SPIRE1: variants seen among roughly 807,000 people sequenced by gnomAD.
SPIRE1 encodes protein spire homolog 1.
In SPIRE1, 40 loss-of-function variants were observed where a neutral mutation model predicts 94.1. That is an observed-to-expected ratio of 0.43 (90% CI 0.33 to 0.55). The LOEUF (loss-of-function observed/expected upper bound fraction) is 0.55. Ranked by LOEUF, SPIRE1 falls within the 20% of genes least tolerant of loss-of-function variation. SPIRE1 has a pLI of 0.06. For missense variants in SPIRE1, 838 were observed against 975.2 expected, an observed-to-expected ratio of 0.86 and a Z score of 1.87; for synonymous variants, 376 against 371.7, an observed-to-expected ratio of 1.01 and a Z score of -0.13.
intron 2 of SPIRE1, among the ~76,000 whole-genome samples, chr18:12,627,051 A>G (rs1234871025): frequency 6.6e-6 from 1 of 151,990 alleles, no homozygotes; most frequent in African/African-American, 2.4e-5. Flanking sequence ...AGAGGTGGAC[A>G]GAGAAACACT....
chr18:12,601,894 T>C (rs1252593137), intron 2 of SPIRE1, among the ~76,000 whole-genome samples: 1 of 152,052 alleles, frequency 6.6e-6, no homozygotes, highest in Non-Finnish European at 1.5e-5. Flanking sequence ...ACAAGATGAT[T>C]TGGCCTCATC....
At chr18:12,602,632 A>G (rs548867135) in intron 2 of SPIRE1, among the ~76,000 whole-genome samples, 7 of 152,230 alleles carry the variant, frequency 4.6e-5, no homozygotes, top group Non-Finnish European at 1.0e-4. Context: ...GGCTGAAGCC[A>G]TGGTCTCCCT....
intron 10 of SPIRE1, among the ~76,000 whole-genome samples, chr18:12,475,618 T>A (rs1449886679): frequency 6.6e-6 from 1 of 152,168 alleles, no homozygotes; most frequent in Non-Finnish European, 1.5e-5. Context: ...AAAAACCCTG[T>A]AATGTGACAT....
chr18:12,535,958 A>G (rs1227193197), intron 3 of SPIRE1, among the ~76,000 whole-genome samples: 1 of 152,158 alleles, frequency 6.6e-6, no homozygotes, highest in Non-Finnish European at 1.5e-5. Flanking sequence ...TCATCTAAAA[A>G]TAACAATAAA....
At chr18:12,460,952 G>A (rs545870450) in intron 12 of SPIRE1, among the ~76,000 whole-genome samples, 3 of 152,244 alleles carry the variant, frequency 2.0e-5, no homozygotes, top group African/African-American at 7.2e-5. Flanking sequence ...GGAGGCCTGC[G>A]TGGACTCTGC....
At chr18:12,618,315 T>C (rs564564495) in intron 2 of SPIRE1, among the ~76,000 whole-genome samples, 4 of 152,104 alleles carry the variant, frequency 2.6e-5, no homozygotes, top group East Asian at 1.9e-4. Context: ...TTAGCCAGGA[T>C]GGTCTTGATT....
At chr18:12,465,376 T>C (rs551871617) in intron 10 of SPIRE1, among the ~76,000 whole-genome samples, 1 of 152,254 alleles carries the variant, frequency 6.6e-6, no homozygotes, top group East Asian at 1.9e-4. Context: ...GGTCTTCCTA[T>C]GTTGCCTAGC....
chr18:12,541,824 T>C (rs2035022499), intron 3 of SPIRE1, among the ~76,000 whole-genome samples: 2 of 150,678 alleles, frequency 1.3e-5, no homozygotes, highest in Admixed American at 6.7e-5. Flanking sequence ...GTGAGCCATG[T>C]ATGTAGTTTT....
chr18:12,463,774 T>G (rs2031975652), intron 11 of SPIRE1, among the ~76,000 whole-genome samples: 1 of 152,226 alleles, frequency 6.6e-6, no homozygotes, highest in Non-Finnish European at 1.5e-5. Context: ...GTACCCTCTT[T>G]TTACATTCTC....
chr18:12,660,432 G>C (rs547988622), upstream of SPIRE1, among the ~76,000 whole-genome samples: 2 of 150,922 alleles, frequency 1.3e-5, no homozygotes, highest in African/African-American at 4.9e-5. Flanking sequence ...GATGATTCTC[G>C]TGCCTCGGCC....
intron 10 of SPIRE1, among the ~76,000 whole-genome samples, chr18:12,477,288 A>G (rs2032642477): frequency 6.6e-6 from 1 of 152,150 alleles, no homozygotes; most frequent in Admixed American, 6.5e-5. Context: ...AGGGACTGTG[A>G]TCTGTGTAGC....
intron 1 of SPIRE1, 56 bp downstream of exon 1, chr18:12,657,474 C>T (rs1304791196): frequency 3.8e-5 from 46 of 1,200,886 alleles, no homozygotes; most frequent in Non-Finnish European, 4.8e-5. Context: ...GAGGGTAAGG[C>T]GGCCCAGCCG....
At chr18:12,616,299 GA>G (rs2037306099) in intron 2 of SPIRE1, among the ~76,000 whole-genome samples, 1 of 152,162 alleles carries the variant, frequency 6.6e-6, no homozygotes, top group African/African-American at 2.4e-5. Context: ...GAGAGGAAAG[GA>G]AAAGGAAAAA....
intron 10 of SPIRE1, among the ~76,000 whole-genome samples, chr18:12,473,002 C>T (rs2032422859): frequency 6.6e-6 from 1 of 152,176 alleles, no homozygotes; most frequent in South Asian, 2.1e-4. Context: ...GCCATGTTGG[C>T]CAGGCTGGTC....
chr18:12,627,615 G>A (rs962811860), intron 2 of SPIRE1, among the ~76,000 whole-genome samples: 7 of 152,176 alleles, frequency 4.6e-5, no homozygotes, highest in East Asian at 3.9e-4. Context: ...TCTAGTTCTC[G>A]ATCCTTGAAT....
At chr18:12,517,820 C>T (rs2034239563) in intron 4 of SPIRE1, among the ~76,000 whole-genome samples, 1 of 152,134 alleles carries the variant, frequency 6.6e-6, no homozygotes, top group Non-Finnish European at 1.5e-5. Context: ...TACCCCTTTA[C>T]TAATTAAATC....
chr18:12,605,905 C>T (rs527899643), intron 2 of SPIRE1, among the ~76,000 whole-genome samples: 3 of 152,200 alleles, frequency 2.0e-5, no homozygotes, highest in Admixed American at 6.5e-5. Flanking sequence ...CCTCGTTCAC[C>T]GCCACCTCCC....
At chr18:12,503,735 T>A (rs910216343) in intron 6 of SPIRE1, among the ~76,000 whole-genome samples, 1 of 120,538 alleles carries the variant, frequency 8.3e-6, no homozygotes, top group Non-Finnish European at 1.9e-5. Flanking sequence ...ACATAGAAAG[T>A]CCTTAACACA....
chr18:12,542,439 A>G (rs2035040621), intron 3 of SPIRE1, among the ~76,000 whole-genome samples: 11 of 152,154 alleles, frequency 7.2e-5, no homozygotes, highest in Admixed American at 5.9e-4. Flanking sequence ...GACCATTTAC[A>G]TTTAATGTAA....
Sources: gnomAD v4.1 joint callset for allele counts (sites outside exome capture counted in the v4.1 genomes callset) on GRCh38, gnomAD v4.1.1 for gene constraint, MANE v1.5 for transcripts, NCBI Gene and HGNC (gene_info 2026-07-23, HGNC 2026-07-21) for gene names.